Variants in UFD1 observed in about 807,000 individuals in gnomAD.
The protein encoded by UFD1 is ubiquitin recognition factor in ER-associated degradation protein 1.
In UFD1, 13 loss-of-function variants were observed where a neutral mutation model predicts 45.9. The observed-to-expected ratio is 0.28, with a 90% CI of 0.18 to 0.45. The LOEUF is 0.45. Ranked by LOEUF, UFD1 falls within the 20% of genes least tolerant of loss-of-function variation. The pLI, the probability that UFD1 is intolerant of heterozygous loss-of-function variation, is 1.00. For synonymous variants in UFD1, 128 were observed against 139.2 expected (o/e 0.92, Z 0.56); for missense variants, 218 against 389.2 (o/e 0.56, Z 3.70).
rs895101654 is a variant in UFD1, at chr22:19,450,733, T to C, written c.861A>G (p.Gly287=). The change falls in exon 12 of 12, where the codon GGA becomes GGG. Residue 287 remains glycine (G), a synonymous_variant. Transcript: ENST00000263202. The stretch of plus-strand genomic sequence containing the variant: ...CTCCAGAGAAAGCGACGAATCTGCC[T>C]CCAGCTTCATCCTAGGTTTGAAGAG... ...LVKKVEEDEA[G]GRFVAFSGEG... is the part of the protein sequence containing the mutation. 1 of 1,614,140 alleles carries C rather than the reference T, an allele frequency of 6.2e-7. No individual in the cohort carries two copies. The highest frequency in any genetic ancestry group is 1.3e-5 in the African/African-American group (1 of 75,036).
At chr22:19,460,427 A>C (rs1006189644) in intron 6 of UFD1, among the ~76,000 whole-genome samples, 1 of 152,228 alleles carries the variant, frequency 6.6e-6, no homozygotes, top group African/African-American at 2.4e-5. Flanking sequence ...AGTAAGGATA[A>C]ATATTCCTGT....
Position 19,455,691 on chromosome 22 carries a change from T to G in UFD1, c.756A>C (p.Gly252=). ...CAGGACAGACCTACCTTTTAATATC[T>G]CCAGGCTTGATTGGGGAGGGGCTGG... ...VEPSPSPIKP[G]DIKRGIPNYE... is the part of the protein sequence containing the mutation. Residue 252 remains glycine, a synonymous_variant, in exon 10 of 12, where the codon GGA becomes GGC. Transcript: ENST00000263202. The G allele has an allele frequency of 6.2e-7, 1 of 1,613,948 alleles. No individual in the cohort carries two copies. The highest frequency in any genetic ancestry group is 8.5e-7 in the Non-Finnish European group (1 of 1,179,880).
chr22:19,479,125 T>G lies in UFD1; in HGVS notation c.-40A>C. 6.3e-7 allele frequency: 1 copy of G among 1,599,712 alleles called. No homozygotes were observed. Among genetic ancestry groups the G allele is most frequent in the East Asian group, 2.3e-5 (1 of 43,956 alleles). On this transcript the variant is annotated 5_prime_UTR_variant, in exon 1 of 12. Transcript: ENST00000263202. ...GGCAGACTCCGCTCCTCTCAGGCAA[T>G]GCAACGAAGAAACCCCGCCGACCGC...
At chr22:19,453,948 C>T in intron 11 of UFD1, 1 of 985,590 alleles carries the variant, frequency 1.0e-6, no homozygotes, top group Non-Finnish European at 1.2e-6. Flanking sequence ...ATCCTCATCA[C>T]AAAGAGGTGA....
intron 1 of UFD1, among the ~76,000 whole-genome samples, chr22:19,475,948 C>A (rs2089878139): frequency 6.6e-6 from 1 of 152,154 alleles, no homozygotes; most frequent in Non-Finnish European, 1.5e-5. Context: ...ATTGAAACAT[C>A]TCTTTATTGA....
intron 1 of UFD1, among the ~76,000 whole-genome samples, chr22:19,478,124 T>G (rs984580820): frequency 1.3e-5 from 2 of 152,172 alleles, no homozygotes; most frequent in Non-Finnish European, 2.9e-5. Flanking sequence ...ACAACCTGCC[T>G]GCAGTTTACC....
rs1449515289 is a variant in UFD1 at position 19,451,065 on chromosome 22, T to C, written c.850-321A>G. On this transcript the variant is annotated intron_variant, in intron 11 of 11. Coordinates refer to ENST00000263202, the MANE Select transcript of UFD1 (RefSeq NM_005659.7). ...TTTGAGCCAGGGCCATAGTGAGCTA[T>C]GATTGTGCCACTGCTCCAGCCTGGA... The C allele has an allele frequency of 1.1e-5, 11 of 1,031,860 alleles. No homozygotes were observed. The East Asian group carries it at 8.4e-4, about 79-fold the overall frequency. 63.9% of individuals were successfully genotyped at this position (1,031,860 alleles called of 1,614,324 possible). A position where few individuals can be genotyped will look rare whatever the true frequency, so the allele number is the denominator to read the frequency against.
intron 1 of UFD1, among the ~76,000 whole-genome samples, chr22:19,475,851 A>T (rs2089877454): frequency 6.6e-6 from 1 of 152,302 alleles, no homozygotes; most frequent in East Asian, 1.9e-4. Context: ...AGAGACTTGT[A>T]CTGACAGCCC....
rs2089717329 is a variant in UFD1, at chr22:19,455,692, C to A, written c.755G>T (p.Gly252Val). The change falls in exon 10 of 12, where the codon GGA becomes GTA. Residue 252 changes from glycine to valine, a missense_variant. By Grantham distance (109) the Gly-to-Val change is moderately radical. Transcript: ENST00000263202. ...AGGACAGACCTACCTTTTAATATCT[C>A]CAGGCTTGATTGGGGAGGGGCTGGG... ...VEPSPSPIKP[G>V]DIKRGIPNYE... 1 of 1,613,872 alleles carries A rather than the reference C, an allele frequency of 6.2e-7. No homozygotes were observed. Among genetic ancestry groups the A allele is most frequent in the African/African-American group, 1.3e-5 (1 of 74,902 alleles).
intron 4 of UFD1, among the ~76,000 whole-genome samples, chr22:19,468,813 C>T (rs1449271244): frequency 6.6e-6 from 1 of 152,168 alleles, no homozygotes; most frequent in African/African-American, 2.4e-5. Flanking sequence ...TCCCAAGCCA[C>T]ATTAGATGCC....
intron 6 of UFD1, among the ~76,000 whole-genome samples, chr22:19,458,929 C>T (rs989196768): frequency 1.3e-5 from 2 of 152,162 alleles, no homozygotes; most frequent in Non-Finnish European, 2.9e-5. Context: ...TGCAGCCTGC[C>T]TTAACCATTC....
intron 9 of UFD1, 50 bp from the exon 10 acceptor site, chr22:19,455,818 TA>T: frequency 6.5e-7 from 1 of 1,549,842 alleles, no homozygotes; most frequent in East Asian, 2.2e-5. Flanking sequence ...GTGAGGACGA[TA>T]TGTCCTTTGC....
chr22:19,463,930 A>G (rs1281829211), intron 6 of UFD1, among the ~76,000 whole-genome samples: 1 of 152,228 alleles, frequency 6.6e-6, no homozygotes, highest in Non-Finnish European at 1.5e-5. Context: ...TTTAGGAGTT[A>G]TATGTAGTAT....
intron 6 of UFD1, among the ~76,000 whole-genome samples, chr22:19,464,978 G>C (rs1459554761): frequency 1.3e-5 from 2 of 152,204 alleles, no homozygotes; most frequent in Non-Finnish European, 2.9e-5. Flanking sequence ...TGACTAATAA[G>C]TCTATCAATG....
Position 19,467,854 on chromosome 22 carries a change from G to A in UFD1, c.422+19C>T, listed in dbSNP as rs764064452. On this transcript the variant is annotated intron_variant, in intron 5 of 11. Coordinates refer to ENST00000263202, the MANE Select transcript of UFD1 (RefSeq NM_005659.7). ...ACTCTCCTTTGTCTAGAAGAACTCC[G>A]CTTATTTGAAAAAGATACACGGCTT... The A allele has an allele frequency of 2.5e-5, 41 of 1,613,308 alleles. No homozygotes were observed. Among genetic ancestry groups the A allele is most frequent in the Non-Finnish European group, 3.2e-5 (38 of 1,179,846 alleles).
intron 11 of UFD1, chr22:19,452,404 AC>A (rs1271336200): frequency 6.6e-6 from 1 of 152,328 alleles, no homozygotes; most frequent in East Asian, 1.9e-4. Context: ...ACACAGAAAC[AC>A]TGGAGGGACA....
chr22:19,475,730 T>C, intron 1 of UFD1, 128 bp from the exon 2 acceptor site: 1 of 1,176,706 alleles, frequency 8.5e-7, no homozygotes, highest in Non-Finnish European at 1.2e-6. Flanking sequence ...AAATCTTCAA[T>C]GTAATCTTAC....
intron 6 of UFD1, among the ~76,000 whole-genome samples, chr22:19,458,490 C>T (rs2089740910): frequency 6.6e-6 from 1 of 152,224 alleles, no homozygotes; most frequent in African/African-American, 2.4e-5. Flanking sequence ...ATCGCCCAGG[C>T]TGGAGTGCAG....
intron 5 of UFD1, chr22:19,465,558 G>A: frequency 2.5e-6 from 1 of 397,704 alleles, no homozygotes. Context: ...ATGGAACCCT[G>A]AGAAAGACAG....
Sources: allele counts gnomAD v4.1 joint callset (sites outside exome capture counted in the v4.1 genomes callset), GRCh38; gene constraint gnomAD v4.1.1; transcripts MANE v1.5; gene names NCBI Gene and HGNC (gene_info 2026-07-23, HGNC 2026-07-21).